The following SCUBE1 variants were observed in gnomAD, a reference collection of about 807,000 sequenced individuals.
SCUBE1 encodes the protein signal peptide, CUB domain and EGF like domain containing 1.
SCUBE1 carries 59 observed loss-of-function variants against 124.4 expected under a neutral mutation model. The ratio of observed to expected loss-of-function variants is 0.47; its 90% CI spans 0.38 to 0.59. SCUBE1 has a LOEUF of 0.59. SCUBE1 is among the 20% of genes least tolerant of loss of function. SCUBE1 has a pLI of 0.00. For missense variants in SCUBE1, 1,150 were observed against 1,371.2 expected, an observed-to-expected ratio of 0.84 and a Z score of 2.55; for synonymous variants, 545 against 550.9, an observed-to-expected ratio of 0.99 and a Z score of 0.15.
chr22:43,335,011 C>T (rs886229362), intron 2 of SCUBE1, among the ~76,000 whole-genome samples: 5 of 152,178 alleles, frequency 3.3e-5, no homozygotes, highest in Non-Finnish European at 5.9e-5. Context: ...CTTCTCAGAA[C>T]AGAAAGCCAC....
At chr22:43,212,854 G>A (rs7285427) in intron 16 of SCUBE1, among the ~76,000 whole-genome samples, 9,602 of 152,286 alleles carry the variant, frequency 0.063, 501 homozygotes, top group African/African-American at 0.13. Context: ...AGGCCTGGGG[G>A]TTGAAGAGCA....
chr22:43,197,955 A>G lies in SCUBE1; in HGVS notation c.*6042T>C, dbSNP rs17515719. The G allele has an allele frequency of 0.04, 6,112 of 152,420 alleles. 163 individuals are homozygous for G. Among genetic ancestry groups the G allele is most frequent in the South Asian group, 0.089 (430 of 4,822 alleles). 9.4% of individuals were successfully genotyped at this position (152,420 alleles called of 1,614,324 possible). ...CAGGGCTGACCTGGCCCAGTTTCCAATCTGTAAGCTTCAGATTGATCAACG... is the reference window on the plus strand; with the variant it reads ...CAGGGCTGACCTGGCCCAGTTTCCAGTCTGTAAGCTTCAGATTGATCAACG... On this transcript the variant is annotated 3_prime_UTR_variant, in exon 22 of 22. Transcript: ENST00000360835.
chr22:43,227,542 G>C, intron 9 of SCUBE1, 46 bp from the exon 10 acceptor site: 1 of 1,592,976 alleles, frequency 6.3e-7, no homozygotes, highest in Non-Finnish European at 8.5e-7. Context: ...CTGGCGGCTG[G>C]CGGCTGGCAG....
intron 14 of SCUBE1, among the ~76,000 whole-genome samples, chr22:43,219,224 A>G (rs61236943): frequency 0.022 from 3,328 of 152,142 alleles, 128 homozygotes; most frequent in African/African-American, 0.076. Context: ...TGCTGGCTCT[A>G]CTAGTCGCCA....
rs1263496660 is a variant in SCUBE1 at position 43,199,362 on chromosome 22, G to C, written c.*4635C>G. 6.5e-6 allele frequency: 1 copy of C among 152,940 alleles called. No individual in the cohort carries two copies. The highest frequency in any genetic ancestry group is 2.4e-5 in the African/African-American group (1 of 40,894). 9.5% of individuals were successfully genotyped at this position (152,940 alleles called of 1,614,324 possible). A position where few individuals can be genotyped will look rare whatever the true frequency, so the allele number is the denominator to read the frequency against. On this transcript the variant is annotated 3_prime_UTR_variant, in exon 22 of 22. Transcript: ENST00000360835. ...CTTCACTGAGACGCTGCCTGCGGAT[G>C]GTGCGTCTCTTAAGAACGAGCGTGC...
intron 2 of SCUBE1, among the ~76,000 whole-genome samples, chr22:43,334,649 C>T (rs1192649043): frequency 6.6e-6 from 1 of 152,104 alleles, no homozygotes; most frequent in Non-Finnish European, 1.5e-5. Context: ...TCACCACCAT[C>T]AACATTATCA....
intron 19 of SCUBE1, 143 bp from the exon 20 acceptor site, chr22:43,208,367 G>A: frequency 1.4e-6 from 1 of 739,014 alleles, no homozygotes; most frequent in Non-Finnish European, 2.3e-6. Context: ...CTTTGTGCTT[G>A]CTCCCTCTGC....
chr22:43,226,442 G>A (rs1156542670), intron 10 of SCUBE1, among the ~76,000 whole-genome samples: 2 of 152,084 alleles, frequency 1.3e-5, no homozygotes, highest in Non-Finnish European at 2.9e-5. Context: ...GGCCCTCCAG[G>A]CCAAGAGAAG....
At chr22:43,241,068 G>C (rs1402416355) in intron 6 of SCUBE1, among the ~76,000 whole-genome samples, 1 of 152,134 alleles carries the variant, frequency 6.6e-6, no homozygotes, top group East Asian at 1.9e-4. Flanking sequence ...CTGAGAGACA[G>C]ACCCGGCCAA....
chr22:43,252,401 G>T (rs934111700), intron 6 of SCUBE1, among the ~76,000 whole-genome samples: 1 of 152,228 alleles, frequency 6.6e-6, no homozygotes, highest in African/African-American at 2.4e-5. Flanking sequence ...ACTTTGGCTT[G>T]CAGGTTCTGC....
At chr22:43,268,640 GA>G (rs532793988) in intron 4 of SCUBE1, among the ~76,000 whole-genome samples, 139 of 152,366 alleles carry the variant, frequency 9.1e-4, no homozygotes, top group Non-Finnish European at 1.6e-3. Flanking sequence ...CTTCACCCCT[GA>G]ACCTCGGTTT....
chr22:43,281,752 C>T (rs1405741895), intron 4 of SCUBE1, among the ~76,000 whole-genome samples: 2 of 152,370 alleles, frequency 1.3e-5, no homozygotes, highest in East Asian at 3.9e-4. Context: ...CTCCCTGCTT[C>T]ACCTGTACAA....
chr22:43,226,431 G>A (rs1922307859), intron 10 of SCUBE1, among the ~76,000 whole-genome samples: 1 of 152,084 alleles, frequency 6.6e-6, no homozygotes, highest in African/African-American at 2.4e-5. Context: ...TGGTGTGGGG[G>A]GGCCCTCCAG....
chr22:43,244,290 C>G (rs1923120300), intron 6 of SCUBE1, among the ~76,000 whole-genome samples: 1 of 152,202 alleles, frequency 6.6e-6, no homozygotes, highest in Non-Finnish European at 1.5e-5. Flanking sequence ...CTGTCCCGAG[C>G]CTTACCCTGG....
chr22:43,259,666 G>A (rs778955776), intron 5 of SCUBE1, among the ~76,000 whole-genome samples: 3 of 152,222 alleles, frequency 2.0e-5, no homozygotes, highest in African/African-American at 4.8e-5. Context: ...CAGCGGGCGA[G>A]GAGGATGTCA....
At chr22:43,342,273 C>A (rs1194636000) in intron 1 of SCUBE1, among the ~76,000 whole-genome samples, 1 of 151,752 alleles carries the variant, frequency 6.6e-6, no homozygotes, top group Admixed American at 6.6e-5. Flanking sequence ...GTGGGGGGGT[C>A]CCCGTGAAAC....
At chr22:43,286,588 C>T (rs60297771) in intron 4 of SCUBE1, among the ~76,000 whole-genome samples, 2,697 of 152,334 alleles carry the variant, frequency 0.018, 98 homozygotes, top group African/African-American at 0.062. Flanking sequence ...GACCATGTCA[C>T]GAACGTCTCT....
At chr22:43,241,639 G>C (rs914406459) in intron 6 of SCUBE1, among the ~76,000 whole-genome samples, 3 of 152,110 alleles carry the variant, frequency 2.0e-5, no homozygotes, top group Non-Finnish European at 4.4e-5. Context: ...AAGACGAGGA[G>C]CCCCCTCCTC....
chr22:43,263,004 C>T (rs532464099), intron 4 of SCUBE1, among the ~76,000 whole-genome samples, 159 bp from the exon 5 acceptor site: 1 of 152,152 alleles, frequency 6.6e-6, no homozygotes, highest in South Asian at 2.1e-4. Context: ...CACACATATG[C>T]GTGTGTGCAG....
Sources: gnomAD v4.1 joint callset for allele counts (sites outside exome capture counted in the v4.1 genomes callset) on GRCh38, gnomAD v4.1.1 for gene constraint, MANE v1.5 for transcripts, NCBI Gene and HGNC (gene_info 2026-07-23, HGNC 2026-07-21) for gene names.